CHRM3: variants seen among roughly 807,000 people sequenced by gnomAD.
CHRM3 encodes the protein cholinergic receptor muscarinic 3, also known as muscarinic acetylcholine receptor M3.
In CHRM3, 11 loss-of-function variants were observed where a neutral mutation model predicts 41.8. That is an observed-to-expected ratio of 0.26 (90% CI 0.17 to 0.44). The LOEUF (loss-of-function observed/expected upper bound fraction) is 0.44. Ranked by LOEUF, CHRM3 falls within the 20% of genes least tolerant of loss-of-function variation. The pLI is 1.00. For missense variants in CHRM3, 571 were observed against 745.4 expected, an observed-to-expected ratio of 0.77 and a Z score of 2.72; for synonymous variants, 297 against 301.4, an observed-to-expected ratio of 0.99 and a Z score of 0.15.
chr1:239,821,263 A>C (rs1258805588), intron 5 of CHRM3, among the ~76,000 whole-genome samples: 1 of 152,248 alleles, frequency 6.6e-6, no homozygotes, highest in African/African-American at 2.4e-5. Flanking sequence ...CTAATGAGAC[A>C]TATACACATT....
intron 3 of CHRM3, among the ~76,000 whole-genome samples, chr1:239,613,451 A>T (rs1667282240): frequency 6.6e-6 from 1 of 152,260 alleles, no homozygotes; most frequent in Admixed American, 6.5e-5. Flanking sequence ...TAGAAAAATG[A>T]TGCTCACACA....
intron 1 of CHRM3, among the ~76,000 whole-genome samples, chr1:239,439,206 A>G (rs757984553): frequency 6.6e-6 from 1 of 152,194 alleles, no homozygotes; most frequent in Non-Finnish European, 1.5e-5. Context: ...ACTTTGAAAC[A>G]TGGTCCTTAG....
At chr1:239,727,433 T>C (rs981635375) in intron 5 of CHRM3, among the ~76,000 whole-genome samples, 7 of 151,982 alleles carry the variant, frequency 4.6e-5, no homozygotes, top group African/African-American at 1.7e-4. Context: ...AAAGTCTCTA[T>C]ATAATTTTAA....
At chr1:239,715,825 G>T (rs1662296362) in intron 5 of CHRM3, among the ~76,000 whole-genome samples, 1 of 152,078 alleles carries the variant, frequency 6.6e-6, no homozygotes, top group African/African-American at 2.4e-5. Context: ...AGGACAGGAG[G>T]GCTTTGCTGA....
At chr1:239,774,019 C>A (rs1667896229) in intron 5 of CHRM3, among the ~76,000 whole-genome samples, 1 of 152,158 alleles carries the variant, frequency 6.6e-6, no homozygotes, top group Non-Finnish European at 1.5e-5. Flanking sequence ...GAGATAATTA[C>A]TTAGATTCTC....
At chr1:239,547,610 A>C (rs1403906806) in intron 3 of CHRM3, among the ~76,000 whole-genome samples, 1 of 152,216 alleles carries the variant, frequency 6.6e-6, no homozygotes, top group Non-Finnish European at 1.5e-5. Context: ...CAGATGGCTT[A>C]ACACAGCATC....
intron 5 of CHRM3, among the ~76,000 whole-genome samples, chr1:239,743,333 G>A (rs187682019): frequency 6.6e-4 from 101 of 152,188 alleles, no homozygotes; most frequent in African/African-American, 2.2e-3. Flanking sequence ...TCTCAGACAA[G>A]GGACATGTCT....
intron 1 of CHRM3, among the ~76,000 whole-genome samples, chr1:239,391,511 T>C (rs1659033155): frequency 6.6e-6 from 1 of 152,166 alleles, no homozygotes; most frequent in African/African-American, 2.4e-5. Flanking sequence ...AGGCTCTCTC[T>C]TTTAGGCTGG....
At chr1:239,855,393 T>C (rs1675024531) in intron 6 of CHRM3, among the ~76,000 whole-genome samples, 1 of 152,218 alleles carries the variant, frequency 6.6e-6, no homozygotes, top group Admixed American at 6.5e-5. Context: ...TCATTTAAAC[T>C]TTAGATGAAT....
intron 6 of CHRM3, among the ~76,000 whole-genome samples, chr1:239,899,274 T>G (rs1034266512): frequency 8.5e-6 from 1 of 117,382 alleles, no homozygotes; most frequent in African/African-American, 3.6e-5. Flanking sequence ...CATTTTGAAC[T>G]CAGTGTGTGT....
chr1:239,696,576 T>C (rs1435804223), intron 5 of CHRM3, among the ~76,000 whole-genome samples: 9 of 152,058 alleles, frequency 5.9e-5, no homozygotes, highest in Non-Finnish European at 1.3e-4. Flanking sequence ...ATAAAATACA[T>C]GGAAAGCACC....
intron 2 of CHRM3, among the ~76,000 whole-genome samples, chr1:239,498,892 T>C (rs1419702678): frequency 6.6e-6 from 1 of 152,228 alleles, no homozygotes; most frequent in Non-Finnish European, 1.5e-5. Context: ...ACCTCCTTTA[T>C]AGTATGCTAT....
At chr1:239,400,897 A>G (rs10802762) in intron 1 of CHRM3, among the ~76,000 whole-genome samples, 119,615 of 152,090 alleles carry the variant, frequency 0.79, 49,231 homozygotes, top group Non-Finnish European at 0.91. Flanking sequence ...CATAAAAGGA[A>G]ACTGAAACAT....
intron 5 of CHRM3, among the ~76,000 whole-genome samples, chr1:239,723,492 G>T (rs1245663497): frequency 6.6e-6 from 1 of 151,840 alleles, no homozygotes; most frequent in Non-Finnish European, 1.5e-5. Context: ...GTCAATAAGG[G>T]TTGCCAAATT....
rs1248935223 is a variant in CHRM3 at position 239,748,341 on chromosome 1, G to C, written c.-147+70053G>C. ...AACATCACTTCTCTCTTACGATGCAGTCAGAATCTTATTGACACTTCTTTT... is the reference window on the plus strand; with the variant it reads ...AACATCACTTCTCTCTTACGATGCACTCAGAATCTTATTGACACTTCTTTT... On this transcript the variant is annotated intron_variant, in intron 5 of 6. Coordinates refer to ENST00000676153, the MANE Select transcript of CHRM3 (RefSeq NM_001375978.1). This position sits in a 1 kb window ranked among gnomAD's most constrained non-coding sequence, Gnocchi z 4.3. Among the ~76,000 whole-genome samples, 1 of 152,140 alleles carries C rather than the reference G, an allele frequency of 6.6e-6. No homozygotes were observed. Among genetic ancestry groups the C allele is most frequent in the Non-Finnish European group, 1.5e-5 (1 of 68,032 alleles).
At chr1:239,802,205 G>T (rs1670275501) in intron 5 of CHRM3, among the ~76,000 whole-genome samples, 1 of 152,156 alleles carries the variant, frequency 6.6e-6, no homozygotes, top group South Asian at 2.1e-4. Context: ...GATATCATTG[G>T]TAGATCCCAG....
Position 239,474,514 on chromosome 1 carries a change from C to T in CHRM3, c.-520-18195C>T, listed in dbSNP as rs1384149885. Among the ~76,000 whole-genome samples, 4 of 152,070 alleles carry T rather than the reference C, an allele frequency of 2.6e-5. 1 individual carries two copies. Among genetic ancestry groups the T allele is most frequent in the African/African-American group, 9.7e-5 (4 of 41,436 alleles). On this transcript the variant is annotated intron_variant, in intron 1 of 6. Coordinates refer to ENST00000676153, the MANE Select transcript of CHRM3 (RefSeq NM_001375978.1). ...TGTGTTTGCTAACTTGTTTTTCTCACTCTTGTCACCATGCCACCAGCATGT... is the reference window on the plus strand; with the variant it reads ...TGTGTTTGCTAACTTGTTTTTCTCATTCTTGTCACCATGCCACCAGCATGT...
intron 4 of CHRM3, among the ~76,000 whole-genome samples, chr1:239,637,960 T>A (rs1670671870): frequency 1.5e-5 from 2 of 131,304 alleles, no homozygotes; most frequent in South Asian, 5.1e-4. Context: ...CCCCTTCCTG[T>A]GTCCACGTGT....
At chr1:239,471,719 G>A (rs1666133971) in intron 1 of CHRM3, among the ~76,000 whole-genome samples, 1 of 152,188 alleles carries the variant, frequency 6.6e-6, no homozygotes, top group Non-Finnish European at 1.5e-5. Context: ...AGAGACCTAG[G>A]AATGAAGGCT....
Sources: allele counts gnomAD v4.1 joint callset (sites outside exome capture counted in the v4.1 genomes callset), GRCh38; gene constraint gnomAD v4.1.1; non-coding constraint Gnocchi (gnomAD v3.1); transcripts MANE v1.5; gene names NCBI Gene and HGNC (gene_info 2026-07-23, HGNC 2026-07-21).